The following MTUS2 variants were observed in gnomAD, a reference collection of about 807,000 sequenced individuals.
The protein encoded by MTUS2 is microtubule-associated tumor suppressor candidate 2.
Under a neutral mutation model 114.1 loss-of-function variants are expected in MTUS2, and 40 were observed. The observed-to-expected ratio is 0.35, with a 90% CI of 0.27 to 0.46. MTUS2 has a LOEUF of 0.46. Ranked by LOEUF, MTUS2 falls within the 20% of genes least tolerant of loss-of-function variation. The probability of loss-of-function intolerance (pLI) is 1.00; values close to 1 mark genes in which losing one functional copy is unlikely to be tolerated. For synonymous variants in MTUS2, 688 were observed against 672.0 expected (o/e 1.02, Z -0.37); for missense variants, 1,679 against 1,705.4 (o/e 0.98, Z 0.27).
intron 5 of MTUS2, among the ~76,000 whole-genome samples, chr13:29,188,750 C>G (rs961692510): frequency 6.6e-6 from 1 of 152,094 alleles, no homozygotes; most frequent in Non-Finnish European, 1.5e-5. Flanking sequence ...CCCTTCTTTC[C>G]CAGGAGTTCC....
At chr13:29,370,426 A>G (rs1429486530) in intron 8 of MTUS2, among the ~76,000 whole-genome samples, 1 of 151,750 alleles carries the variant, frequency 6.6e-6, no homozygotes, top group Non-Finnish European at 1.5e-5. Flanking sequence ...GCACCCGTGA[A>G]TAGCCTCTGC....
intron 11 of MTUS2, among the ~76,000 whole-genome samples, chr13:29,490,854 G>C (rs962013267): frequency 6.6e-6 from 1 of 152,260 alleles, no homozygotes; most frequent in Admixed American, 6.5e-5. Flanking sequence ...TCCTGGGAGG[G>C]GAAGAAAATA....
At chr13:29,101,687 C>A (rs912425831) in intron 5 of MTUS2, among the ~76,000 whole-genome samples, 1 of 152,180 alleles carries the variant, frequency 6.6e-6, no homozygotes, top group African/African-American at 2.4e-5. Context: ...GGATGGGAAA[C>A]CATGACATCT....
chr13:29,493,863 G>C (rs768908531), intron 12 of MTUS2, among the ~76,000 whole-genome samples: 10 of 152,134 alleles, frequency 6.6e-5, no homozygotes, highest in Admixed American at 6.6e-4. Context: ...GGGAGTCTGC[G>C]CCCTGCCACT....
intron 5 of MTUS2, among the ~76,000 whole-genome samples, chr13:29,156,844 C>T (rs933654935): frequency 6.6e-6 from 1 of 152,164 alleles, no homozygotes; most frequent in Non-Finnish European, 1.5e-5. Context: ...CCCTCCCAGT[C>T]CACTCCCCGA....
At chr13:28,947,564 G>T (rs151172881) in intron 2 of MTUS2, among the ~76,000 whole-genome samples, 2 of 152,070 alleles carry the variant, frequency 1.3e-5, no homozygotes, top group East Asian at 3.9e-4. Context: ...AATGCTTATT[G>T]CTGTTAATGG....
At chr13:29,237,566 C>T (rs1401955577) in intron 5 of MTUS2, among the ~76,000 whole-genome samples, 2 of 152,104 alleles carry the variant, frequency 1.3e-5, no homozygotes, top group Admixed American at 1.3e-4. Flanking sequence ...GGACCCAGTG[C>T]CCACAGGACT....
rs145966831 is a variant in MTUS2 at position 28,858,631 on chromosome 13, A to G, written c.-243+18781A>G. On this transcript the variant is annotated intron_variant, in intron 2 of 15. Transcript: ENST00000612955. Reference sequence around the variant, plus strand: ...CTCAAACTTAGCACTTAGAGAGGGGACATATACTTTAAAATAGAATGCATT... The same window carrying G: ...CTCAAACTTAGCACTTAGAGAGGGGGCATATACTTTAAAATAGAATGCATT... 1.0e-3 allele frequency among the ~76,000 whole-genome samples: 159 copies of G among 152,288 alleles called. 2 individuals are homozygous for G. The highest frequency in any genetic ancestry group is 3.5e-3 in the African/African-American group (146 of 41,552).
chr13:29,195,640 G>A (rs1321642976), intron 5 of MTUS2, among the ~76,000 whole-genome samples: 1 of 151,304 alleles, frequency 6.6e-6, no homozygotes, highest in Non-Finnish European at 1.5e-5. Flanking sequence ...CAAAAGAAAG[G>A]AAAGCCAGAC....
At chr13:28,826,846 GA>G in intron 1 of MTUS2, among the ~76,000 whole-genome samples, 1 of 152,286 alleles carries the variant, frequency 6.6e-6, no homozygotes, top group South Asian at 2.1e-4. Flanking sequence ...ACTTAATAGG[GA>G]AGTTTATTTT....
chr13:29,491,092 G>T (rs764106756), intron 11 of MTUS2, among the ~76,000 whole-genome samples: 9 of 150,464 alleles, frequency 6.0e-5, no homozygotes, highest in Admixed American at 2.7e-4. Flanking sequence ...TGTGGTATGT[G>T]TGCGGGTGTT....
At chr13:29,108,043 T>G (rs1172967454) in intron 5 of MTUS2, among the ~76,000 whole-genome samples, 1 of 152,250 alleles carries the variant, frequency 6.6e-6, no homozygotes, top group Non-Finnish European at 1.5e-5. Context: ...GGGTTTACAC[T>G]GATGAATACT....
chr13:29,048,938 C>T (rs7337190), intron 4 of MTUS2, among the ~76,000 whole-genome samples: 90,965 of 152,022 alleles, frequency 0.6, 27,340 homozygotes, highest in South Asian at 0.73. Flanking sequence ...TTGAGCTTTT[C>T]TCTGGAGTAA....
At chr13:29,413,202 T>C (rs973273573) in intron 8 of MTUS2, among the ~76,000 whole-genome samples, 1 of 152,190 alleles carries the variant, frequency 6.6e-6, no homozygotes, top group Non-Finnish European at 1.5e-5. Flanking sequence ...GATTCAGACT[T>C]GGGCATCTTT....
chr13:29,254,029 G>A (rs1264828166), intron 5 of MTUS2, among the ~76,000 whole-genome samples: 1 of 152,134 alleles, frequency 6.6e-6, no homozygotes, highest in Non-Finnish European at 1.5e-5. Flanking sequence ...CCATATCAAA[G>A]ACTAAGTAAA....
intron 5 of MTUS2, among the ~76,000 whole-genome samples, chr13:29,269,374 C>A (rs1897789822): frequency 6.6e-6 from 1 of 151,932 alleles, no homozygotes; most frequent in African/African-American, 2.4e-5. Context: ...GTTTTACATT[C>A]CTCAAGTTTC....
intron 4 of MTUS2, among the ~76,000 whole-genome samples, chr13:29,054,506 G>A (rs1030961581): frequency 2.0e-5 from 3 of 152,068 alleles, no homozygotes; most frequent in African/African-American, 7.2e-5. Context: ...AATAGCAGTT[G>A]CCATGGCTGG....
chr13:29,413,388 G>C (rs1017022595), intron 8 of MTUS2, among the ~76,000 whole-genome samples: 1 of 150,650 alleles, frequency 6.6e-6, no homozygotes, highest in Non-Finnish European at 1.5e-5. Context: ...CAGGACATAG[G>C]CGTGGGCAAG....
At chr13:29,012,761 C>G (rs1365831042) in intron 2 of MTUS2, among the ~76,000 whole-genome samples, 1 of 152,026 alleles carries the variant, frequency 6.6e-6, no homozygotes, top group Non-Finnish European at 1.5e-5. Flanking sequence ...GTAGTCCCAG[C>G]TACTCGGGAG....
Sources: allele counts gnomAD v4.1 joint callset (sites outside exome capture counted in the v4.1 genomes callset), GRCh38; gene constraint gnomAD v4.1.1; transcripts MANE v1.5; gene names NCBI Gene and HGNC (gene_info 2026-07-23, HGNC 2026-07-21).